The following GPM6A variants were observed in gnomAD, a reference collection of about 807,000 sequenced individuals.
GPM6A encodes the protein glycoprotein M6A.
GPM6A carries 7 observed loss-of-function variants against 32.1 expected under a neutral mutation model. The ratio of observed to expected loss-of-function variants is 0.22; its 90% CI spans 0.12 to 0.41. The LOEUF is 0.41. Among genes scored for constraint, GPM6A ranks in the 10% least tolerant of loss-of-function variants. GPM6A has a pLI of 1.00. For missense variants in GPM6A, 235 were observed against 347.2 expected (o/e 0.68, Z 2.57); for synonymous variants, 130 against 123.4 (o/e 1.05, Z -0.35).
intron 6 of GPM6A, among the ~76,000 whole-genome samples, chr4:175,637,295 T>G (rs1740740672): frequency 1.4e-5 from 1 of 69,144 alleles, no homozygotes; most frequent in South Asian, 3.8e-4. Flanking sequence ...ATAAAATATA[T>G]ATTATATATT....
intron 1 of GPM6A, among the ~76,000 whole-genome samples, chr4:175,925,835 T>TTTTTC (rs1306503346): frequency 8.7e-5 from 13 of 149,966 alleles, no homozygotes; most frequent in African/African-American, 2.2e-4. Flanking sequence ...GATTCTCTTT[T>TTTTTC]TTTTCTTTTC....
At chr4:175,746,429 A>C (rs1238495867) in intron 1 of GPM6A, among the ~76,000 whole-genome samples, 1 of 152,202 alleles carries the variant, frequency 6.6e-6, no homozygotes, top group Admixed American at 6.6e-5. Flanking sequence ...ATTATGTTCA[A>C]TTATTCTGCA....
intron 1 of GPM6A, among the ~76,000 whole-genome samples, chr4:175,758,210 T>C (rs890733699): frequency 6.6e-6 from 1 of 152,174 alleles, no homozygotes; most frequent in African/African-American, 2.4e-5. Context: ...ATTACTTATT[T>C]TAAAACATAC....
rs190853713 is a variant in GPM6A, at chr4:175,870,888, T to G, written c.-22-58639A>C. The stretch of plus-strand genomic sequence containing the variant: ...GAAGAAGTATCTTTTTAAAGAGATG[T>G]TGTAAGAATGAAATAAAAGCACCCA... On this transcript the variant is annotated intron_variant, in intron 1 of 7. Coordinates refer to the GPM6A transcript ENST00000280187. 1.2e-3 allele frequency among the ~76,000 whole-genome samples: 186 copies of G among 152,194 alleles called. No individual in the cohort carries two copies. The Middle Eastern group carries it at 0.014, about 11-fold the overall frequency.
chr4:175,941,894 C>A (rs895716750), intron 1 of GPM6A, among the ~76,000 whole-genome samples: 2 of 152,042 alleles, frequency 1.3e-5, no homozygotes, highest in Admixed American at 6.5e-5. Flanking sequence ...GGGTATATAC[C>A]CAGTAATGGG....
chr4:175,681,985 G>A (rs1743713892), intron 2 of GPM6A, among the ~76,000 whole-genome samples: 1 of 152,110 alleles, frequency 6.6e-6, no homozygotes. Context: ...AAGAAAACAG[G>A]AATATGAGGG....
At chr4:175,812,737 C>A, upstream of GPM6A, 2 of 985,530 alleles carry the variant, frequency 2.0e-6, no homozygotes, top group Non-Finnish European at 2.4e-6. Context: ...GTAATTCCCC[C>A]CTTCATTCCA....
At chr4:175,761,695 A>C (rs1297358922) in intron 1 of GPM6A, among the ~76,000 whole-genome samples, 1 of 152,144 alleles carries the variant, frequency 6.6e-6, no homozygotes, top group Admixed American at 6.6e-5. Context: ...CTCCATTGAC[A>C]AAAAAATAAA....
chr4:175,665,718 G>A (rs1294390519), intron 3 of GPM6A, among the ~76,000 whole-genome samples: 10 of 151,372 alleles, frequency 6.6e-5, no homozygotes, highest in Admixed American at 5.9e-4. Flanking sequence ...GGAGGTGGAG[G>A]TGACAGTGAG....
At chr4:175,776,876 G>A (rs142260408) in intron 1 of GPM6A, among the ~76,000 whole-genome samples, 78 of 152,260 alleles carry the variant, frequency 5.1e-4, no homozygotes, top group African/African-American at 1.8e-3. Flanking sequence ...CAATAGTGAG[G>A]TAAGTCTCCA....
intron 1 of GPM6A, among the ~76,000 whole-genome samples, chr4:175,942,786 T>C (rs1739455378): frequency 6.6e-6 from 1 of 152,228 alleles, no homozygotes; most frequent in Admixed American, 6.5e-5. Context: ...TGTAGCCTTG[T>C]AGTATAGTTT....
chr4:175,893,477 TC>T (rs1336456772), intron 1 of GPM6A, among the ~76,000 whole-genome samples: 2 of 152,212 alleles, frequency 1.3e-5, no homozygotes, highest in South Asian at 2.1e-4. Flanking sequence ...TAAACACTTC[TC>T]CCTTTCTCCT....
At chr4:175,986,059 C>T (rs146679576) in intron 1 of GPM6A, among the ~76,000 whole-genome samples, 49 of 152,252 alleles carry the variant, frequency 3.2e-4, no homozygotes, top group African/African-American at 1.2e-3. Context: ...CCCCCTCAGC[C>T]TCCCAAAGTG....
At chr4:175,877,541 G>A (rs1017523508) in intron 1 of GPM6A, among the ~76,000 whole-genome samples, 11 of 152,152 alleles carry the variant, frequency 7.2e-5, no homozygotes, top group African/African-American at 2.4e-4. Flanking sequence ...GAGAGAATTA[G>A]TCTTGAGTGA....
intron 1 of GPM6A, among the ~76,000 whole-genome samples, chr4:175,948,283 G>A (rs1244139397): frequency 6.6e-6 from 1 of 152,192 alleles, no homozygotes; most frequent in African/African-American, 2.4e-5. Context: ...ATTAGGTCAT[G>A]AGGGTGGAGC....
intron 1 of GPM6A, among the ~76,000 whole-genome samples, chr4:175,898,243 T>C (rs540361414): frequency 6.6e-6 from 1 of 152,328 alleles, no homozygotes; most frequent in East Asian, 1.9e-4. Flanking sequence ...TTCCTCTGCC[T>C]ATATCACTTC....
At chr4:175,742,831 C>T (rs1217463579) in intron 1 of GPM6A, among the ~76,000 whole-genome samples, 1 of 151,926 alleles carries the variant, frequency 6.6e-6, no homozygotes, top group Non-Finnish European at 1.5e-5. Flanking sequence ...CGATGAAAGT[C>T]AAAGACATGA....
intron 3 of GPM6A, among the ~76,000 whole-genome samples, chr4:175,660,718 G>A (rs534785900): frequency 5.9e-5 from 9 of 152,240 alleles, no homozygotes; most frequent in Admixed American, 2.6e-4. Flanking sequence ...GTTAACAAGG[G>A]TCTTGCTTCT....
chr4:175,645,316 G>T (rs1362453225), intron 4 of GPM6A, among the ~76,000 whole-genome samples: 1 of 152,142 alleles, frequency 6.6e-6, no homozygotes, highest in Non-Finnish European at 1.5e-5. Context: ...CAGAGAAAAT[G>T]ATGCGTAATG....
Sources: gnomAD v4.1 joint callset for allele counts (sites outside exome capture counted in the v4.1 genomes callset) on GRCh38, gnomAD v4.1.1 for gene constraint, MANE v1.5 for transcripts, NCBI Gene and HGNC (gene_info 2026-07-23, HGNC 2026-07-21) for gene names.